The following MALRD1 variants were observed in gnomAD, a reference collection of about 807,000 sequenced individuals.
The protein encoded by MALRD1 is MAM and LDL-receptor class A domain-containing protein 1.
Under a neutral mutation model 242.1 loss-of-function variants are expected in MALRD1, and 247 were observed. The ratio of observed to expected loss-of-function variants is 1.02; its 90% CI spans 0.92 to 1.13. The LOEUF (loss-of-function observed/expected upper bound fraction) is 1.13. MALRD1 is among the 50% of genes most tolerant of loss of function. MALRD1 has a pLI of 0.00. For missense variants in MALRD1, 2,989 were observed against 2,533.1 expected, an observed-to-expected ratio of 1.18 and a Z score of -3.86; for synonymous variants, 995 against 866.6, an observed-to-expected ratio of 1.15 and a Z score of -2.60.
intron 26 of MALRD1, among the ~76,000 whole-genome samples, chr10:19,360,121 C>T (rs1306536888): frequency 1.3e-5 from 2 of 151,938 alleles, no homozygotes; most frequent in Non-Finnish European, 2.9e-5. Context: ...TCTAGCATTT[C>T]ATTTATATAA....
chr10:19,095,360 A>G (rs1329012007), intron 4 of MALRD1, among the ~76,000 whole-genome samples: 1 of 152,166 alleles, frequency 6.6e-6, no homozygotes, highest in African/African-American at 2.4e-5. Context: ...CCCTTAACAG[A>G]TGGTTAAATG....
chr10:19,051,721 G>A (rs1408912313), intron 1 of MALRD1: 1 of 154,124 alleles, frequency 6.5e-6, no homozygotes, highest in Non-Finnish European at 1.4e-5. Flanking sequence ...TCAGGAGATG[G>A]AGACCATCCT....
chr10:19,080,678 C>T (rs1835458927), intron 2 of MALRD1, among the ~76,000 whole-genome samples: 1 of 151,656 alleles, frequency 6.6e-6, no homozygotes, highest in African/African-American at 2.4e-5. Flanking sequence ...GAAGGAAATC[C>T]AGGCAATAAC....
intron 32 of MALRD1, among the ~76,000 whole-genome samples, chr10:19,535,576 C>T (rs187626538): frequency 1.8e-3 from 273 of 147,612 alleles, no homozygotes; most frequent in African/African-American, 6.6e-3. Context: ...TATGTATATA[C>T]GTATATATAT....
intron 34 of MALRD1, among the ~76,000 whole-genome samples, chr10:19,605,956 C>T (rs1838598791): frequency 6.6e-6 from 1 of 152,184 alleles, no homozygotes; most frequent in East Asian, 1.9e-4. Flanking sequence ...AATTGATATT[C>T]TAGCACCTTA....
chr10:19,734,461 A>C lies in MALRD1; in HGVS notation c.*224A>C. 1 of 339,452 alleles carries C rather than the reference A, an allele frequency of 2.9e-6. No individual in the cohort carries two copies. Among genetic ancestry groups the C allele is most frequent in the Non-Finnish European group, 5.3e-6 (1 of 190,366 alleles). The allele number at this position is 339,452 out of a possible 1,614,324, so 21.0% of individuals were successfully genotyped here. On this transcript the variant is annotated 3_prime_UTR_variant, in exon 40 of 40. Coordinates refer to ENST00000454679, the MANE Select transcript of MALRD1 (RefSeq NM_001142308.3). Reference sequence around the variant, plus strand: ...CACTGAACATCTGAATATTTTAATAAAATTTCTATTTAATCAAGTTTCTTG... The same window carrying C: ...CACTGAACATCTGAATATTTTAATACAATTTCTATTTAATCAAGTTTCTTG...
chr10:19,231,040 G>A (rs1838038057), intron 18 of MALRD1, among the ~76,000 whole-genome samples: 2 of 152,050 alleles, frequency 1.3e-5, no homozygotes, highest in South Asian at 4.1e-4. Context: ...TGGGAGTGTT[G>A]GCAAATCATG....
At chr10:19,565,195 C>T (rs7074825) in intron 32 of MALRD1, among the ~76,000 whole-genome samples, 2,286 of 151,374 alleles carry the variant, frequency 0.015, 59 homozygotes, top group African/African-American at 0.053. Flanking sequence ...GTTTAATGTT[C>T]ATGACATTGG....
At chr10:19,277,958 T>C (rs1216648568) in intron 19 of MALRD1, among the ~76,000 whole-genome samples, 5 of 152,204 alleles carry the variant, frequency 3.3e-5, no homozygotes, top group African/African-American at 1.2e-4. Flanking sequence ...TTTCCAATGT[T>C]AGAGCAACCT....
chr10:19,681,150 C>T (rs190878665), intron 36 of MALRD1, among the ~76,000 whole-genome samples: 109 of 152,150 alleles, frequency 7.2e-4, no homozygotes, highest in African/African-American at 2.4e-3. Context: ...GAGTATCTTA[C>T]TGAGGTTCTC....
At chr10:19,602,139 A>G (rs968363258) in intron 34 of MALRD1, among the ~76,000 whole-genome samples, 11 of 137,802 alleles carry the variant, frequency 8.0e-5, no homozygotes, top group Non-Finnish European at 1.2e-4. Context: ...CTGCAAGTCT[A>G]TCAGTGCCAA....
intron 10 of MALRD1, among the ~76,000 whole-genome samples, chr10:19,137,591 G>C (rs1012587315): frequency 1.1e-4 from 15 of 134,236 alleles, no homozygotes; most frequent in Admixed American, 5.3e-4. Context: ...CCAGGCGACA[G>C]CGTGAGACTC....
chr10:19,512,346 A>G (rs1366870517), intron 31 of MALRD1, among the ~76,000 whole-genome samples: 2 of 152,210 alleles, frequency 1.3e-5, no homozygotes, highest in African/African-American at 2.4e-5. Flanking sequence ...ATAAGATTTC[A>G]TAATTGGTGC....
chr10:19,047,355 G>GGTGT (rs3042212), upstream of MALRD1, among the ~76,000 whole-genome samples: 666 of 148,852 alleles, frequency 4.5e-3, 4 homozygotes, highest in African/African-American at 0.015. Context: ...GTGTTAATTA[G>GGTGT]GTGTGTGTGT....
chr10:19,178,219 A>C (rs546973221), intron 14 of MALRD1, among the ~76,000 whole-genome samples: 1 of 152,196 alleles, frequency 6.6e-6, no homozygotes, highest in Non-Finnish European at 1.5e-5. Context: ...TAATATATCT[A>C]ATTAGGACAG....
At chr10:19,225,069 T>C (rs981646652) in intron 18 of MALRD1, among the ~76,000 whole-genome samples, 1 of 152,212 alleles carries the variant, frequency 6.6e-6, no homozygotes, top group Non-Finnish European at 1.5e-5. Context: ...TAGCCAGTTT[T>C]CCCATCACCA....
chr10:19,730,968 A>G (rs1835272640), intron 39 of MALRD1, among the ~76,000 whole-genome samples, 187 bp downstream of exon 39: 1 of 152,194 alleles, frequency 6.6e-6, no homozygotes, highest in Admixed American at 6.5e-5. Flanking sequence ...TGCTGTGAGA[A>G]TTGTCCATTT....
intron 26 of MALRD1, among the ~76,000 whole-genome samples, chr10:19,359,813 C>G (rs1044541930): frequency 6.6e-6 from 1 of 151,528 alleles, no homozygotes; most frequent in Non-Finnish European, 1.5e-5. Flanking sequence ...GGATTCACTA[C>G]CAAGTTTATT....
At chr10:19,487,411 G>T (rs1420741013) in intron 29 of MALRD1, among the ~76,000 whole-genome samples, 1 of 148,732 alleles carries the variant, frequency 6.7e-6, no homozygotes, top group Non-Finnish European at 1.5e-5. Context: ...TCTAGTCATT[G>T]TTCAGTTTAC....
Sources: gnomAD v4.1 joint callset for allele counts (sites outside exome capture counted in the v4.1 genomes callset) on GRCh38, gnomAD v4.1.1 for gene constraint, MANE v1.5 for transcripts, NCBI Gene and HGNC (gene_info 2026-07-23, HGNC 2026-07-21) for gene names.